Variants in WNT9A observed in about 807,000 individuals in gnomAD.
The protein encoded by WNT9A is protein Wnt-9a.
In WNT9A, 8 loss-of-function variants were observed where a neutral mutation model predicts 31.4. The ratio of observed to expected loss-of-function variants is 0.26; its 90% CI spans 0.15 to 0.46. The LOEUF is 0.46. Ranked by LOEUF, WNT9A falls within the 20% of genes least tolerant of loss-of-function variation. WNT9A has a pLI of 0.99. For missense variants in WNT9A, 457 were observed against 522.9 expected (o/e 0.87, Z 1.23); for synonymous variants, 236 against 220.1 (o/e 1.07, Z -0.64).
chr1:227,921,350 C>T lies in WNT9A; in HGVS notation c.*168G>A. ...CACCCCACGCTGCTAGGTCTGAGCC[C>T]AGGGACTCAGCCCATGCAGGTGTAG... is the stretch of plus-strand genomic sequence containing the variant. On this transcript the variant is annotated 3_prime_UTR_variant, in exon 4 of 4. Coordinates refer to ENST00000272164, the MANE Select transcript of WNT9A (RefSeq NM_003395.4). 8.9e-7 allele frequency: 1 copy of T among 1,129,406 alleles called. No individual in the cohort carries two copies. Among genetic ancestry groups the T allele is most frequent in the Non-Finnish European group, 1.2e-6 (1 of 810,750 alleles). The allele number at this position is 1,129,406 out of a possible 1,614,324, so 70.0% of individuals were successfully genotyped here.
In WNT9A at chr1:227,921,497, G is replaced by C; in HGVS notation, c.*21C>G. ...TGCAATGCCTGCACCCTGTGCAGCAGGGCTGGCAGGGCCTGGGAACTCAGC... is the reference window on the plus strand; with the variant it reads ...TGCAATGCCTGCACCCTGTGCAGCACGGCTGGCAGGGCCTGGGAACTCAGC... On this transcript the variant is annotated 3_prime_UTR_variant, in exon 4 of 4. Transcript: ENST00000272164. The C allele has an allele frequency of 6.3e-7, 1 of 1,595,050 alleles. No homozygotes were observed. Among genetic ancestry groups the C allele is most frequent in the South Asian group, 1.1e-5 (1 of 87,838 alleles).
chr1:227,926,242 T>G lies in WNT9A; in HGVS notation c.96-723A>C, dbSNP rs1215915630. 1.3e-5 allele frequency among the ~76,000 whole-genome samples: 2 copies of G among 152,068 alleles called. No homozygotes were observed. Among genetic ancestry groups the G allele is most frequent in the Non-Finnish European group, 2.9e-5 (2 of 67,990 alleles). Reference sequence around the variant, plus strand: ...AGGCCACCCCTGGGGGCCTCTGAGCTGATGAACACCACCCTCCATCTTTAC... The same window carrying G: ...AGGCCACCCCTGGGGGCCTCTGAGCGGATGAACACCACCCTCCATCTTTAC... On this transcript the variant is annotated intron_variant, in intron 1 of 3. Coordinates refer to ENST00000272164, the MANE Select transcript of WNT9A (RefSeq NM_003395.4). This position sits in a 1 kb window ranked among gnomAD's most constrained non-coding sequence, Gnocchi z 5.0.
At chr1:227,923,426 C>T (rs577803065) in intron 3 of WNT9A, among the ~76,000 whole-genome samples, 188 of 152,286 alleles carry the variant, frequency 1.2e-3, no homozygotes, top group African/African-American at 4.3e-3. Context: ...AGCCCGGACT[C>T]CCCCAGACAT....
In WNT9A at chr1:227,942,545, G is replaced by A. The variant is rs1456481532; in HGVS notation, c.95+5248C>T. ...TGTCCTCTCCTCTCCATGCTAAGAA[G>A]TCCCCAGGGAGTCCCCTGGCCCCCA... On this transcript the variant is annotated intron_variant, in intron 1 of 3. Transcript: ENST00000272164. This position sits in a 1 kb window ranked among gnomAD's most constrained non-coding sequence, Gnocchi z 5.7. Among the ~76,000 whole-genome samples, 1 of 152,070 alleles carries A rather than the reference G, an allele frequency of 6.6e-6. No individual in the cohort carries two copies. Among genetic ancestry groups the A allele is most frequent in the Non-Finnish European group, 1.5e-5 (1 of 67,984 alleles).
intron 2 of WNT9A, 40 bp from the exon 3 acceptor site, chr1:227,924,440 C>A: frequency 6.3e-7 from 1 of 1,586,272 alleles, no homozygotes; most frequent in South Asian, 1.1e-5. Flanking sequence ...CCAGGCTGCC[C>A]AGAGTTCCCC....
chr1:227,924,536 C>T (rs1031274496), intron 2 of WNT9A, 136 bp from the exon 3 acceptor site: 2 of 1,344,912 alleles, frequency 1.5e-6, no homozygotes, highest in Non-Finnish European at 2.0e-6. Context: ...GCACTCGGGA[C>T]AGGGTGTGGG....
chr1:227,922,096 C>A lies in WNT9A; in HGVS notation c.616-96G>T, dbSNP rs975414367. On this transcript the variant is annotated intron_variant, in intron 3 of 3. Transcript: ENST00000272164. The stretch of plus-strand genomic sequence containing the variant: ...CTGGACCCCCAGAGGGACCCCACAC[C>A]CCCACCCAGGCCCAGGCCCTGCCGG... The A allele has an allele frequency of 4.7e-6, 7 of 1,493,314 alleles. No homozygotes were observed. In the African/African-American group the frequency reaches 9.8e-5, roughly 21 times the overall value. 92.5% of individuals were successfully genotyped at this position (1,493,314 alleles called of 1,614,324 possible).
rs1666396996 is a variant in WNT9A at position 227,925,263 on chromosome 1, C to T, written c.352G>A (p.Gly118Ser). Residue 118 changes from glycine to serine, a missense_variant and splice_region_variant, in exon 2 of 4, where the codon GGC (glycine) becomes AGC (serine). Transcript: ENST00000272164. The surrounding 1 kb of genome is among the most constrained non-coding windows in gnomAD (Gnocchi z 6.0). ...TGAGGGCCAGGCCGGCCACACTCAC[C>T]TCGCTTGAGCAGGCTGGCCCGGTAG... is the stretch of plus-strand genomic sequence containing the variant. The part of the protein sequence containing the change: ...GRYRASLLKR[G>S]FKETAFLYAI... 1.3e-6 allele frequency: 2 copies of T among 1,551,764 alleles called. No individual in the cohort carries two copies. Among genetic ancestry groups the T allele is most frequent in the Non-Finnish European group, 1.7e-6 (2 of 1,147,198 alleles).
At chr1:227,932,151 TAG>T (rs893853157) in intron 1 of WNT9A, among the ~76,000 whole-genome samples, 6 of 152,358 alleles carry the variant, frequency 3.9e-5, no homozygotes, top group Middle Eastern at 3.4e-3. Flanking sequence ...CTTTCACAAT[TAG>T]AGTCACTCTT....
chr1:227,925,951 C>T lies in WNT9A; in HGVS notation c.96-432G>A, dbSNP rs1666414959. On this transcript the variant is annotated intron_variant, in intron 1 of 3. Coordinates refer to ENST00000272164, the MANE Select transcript of WNT9A (RefSeq NM_003395.4). The surrounding 1 kb of genome is among the most constrained non-coding windows in gnomAD (Gnocchi z 6.0). The stretch of plus-strand genomic sequence containing the variant: ...CCACATCCTCCACCCTCTTTGGCCC[C>T]AGCTGACCCGCAGGATCCCGCCTGA... 6.6e-6 allele frequency among the ~76,000 whole-genome samples: 1 copy of T among 152,074 alleles called. No homozygotes were observed. The highest frequency in any genetic ancestry group is 2.4e-5 in the African/African-American group (1 of 41,408).
intron 1 of WNT9A, among the ~76,000 whole-genome samples, chr1:227,940,833 G>A (rs754128319): frequency 2.6e-5 from 4 of 152,238 alleles, no homozygotes; most frequent in South Asian, 2.1e-4. Flanking sequence ...GGACCATGCC[G>A]GGAGGGCAAC....
chr1:227,945,087 T>C (rs1209414430), intron 1 of WNT9A, among the ~76,000 whole-genome samples: 1 of 152,164 alleles, frequency 6.6e-6, no homozygotes, highest in Non-Finnish European at 1.5e-5. Flanking sequence ...AATCCGGATC[T>C]ACCATCTCAG....
intron 1 of WNT9A, among the ~76,000 whole-genome samples, chr1:227,944,034 T>C (rs999969419): frequency 6.6e-6 from 1 of 152,076 alleles, no homozygotes; most frequent in Admixed American, 6.6e-5. Context: ...TCCACTTCTA[T>C]GTACCCCAAG....
chr1:227,934,473 A>AAG (rs1666557761), intron 1 of WNT9A, among the ~76,000 whole-genome samples: 2 of 152,218 alleles, frequency 1.3e-5, no homozygotes, highest in African/African-American at 2.4e-5. Context: ...GGATTCCCCT[A>AAG]GACAGGAAAC....
chr1:227,921,521 G>T lies in WNT9A; in HGVS notation c.1095C>A (p.Gly365=). 6.2e-7 allele frequency: 1 copy of T among 1,605,054 alleles called. No individual in the cohort carries two copies. Among genetic ancestry groups the T allele is most frequent in the Non-Finnish European group, 8.5e-7 (1 of 1,174,066 alleles). ...AGGGCTGGCAGGGCCTGGGAACTCA[G>T]CCCTTGCAGGTGTAGACCTCCTCAC... ...TQREEVYTCK[G] Residue 365 remains glycine, a synonymous_variant, in exon 4 of 4, where the codon GGC becomes GGA. Transcript: ENST00000272164.
chr1:227,947,399 A>AG (rs914753468), intron 1 of WNT9A, among the ~76,000 whole-genome samples: 11 of 152,244 alleles, frequency 7.2e-5, no homozygotes, highest in African/African-American at 2.6e-4. Flanking sequence ...GAGAAGAGAA[A>AG]GGGGGGGAAG....
Position 227,920,995 on chromosome 1 carries a change from G to C in WNT9A, c.*523C>G, listed in dbSNP as rs1279901692. 6.5e-6 allele frequency: 1 copy of C among 153,502 alleles called. No homozygotes were observed. Among genetic ancestry groups the C allele is most frequent in the Non-Finnish European group, 1.5e-5 (1 of 68,950 alleles). 9.5% of individuals were successfully genotyped at this position (153,502 alleles called of 1,614,324 possible). ...TCCAGCTGTACGCCCCGACGTGCTA[G>C]AAAAGCCTCTCAGTCCTTGCAGGTG... On this transcript the variant is annotated 3_prime_UTR_variant, in exon 4 of 4. Coordinates refer to ENST00000272164, the MANE Select transcript of WNT9A (RefSeq NM_003395.4).
chr1:227,925,635 C>T lies in WNT9A; in HGVS notation c.96-116G>A. On this transcript the variant is annotated intron_variant, in intron 1 of 3. Coordinates refer to ENST00000272164, the MANE Select transcript of WNT9A (RefSeq NM_003395.4). This position sits in a 1 kb window ranked among gnomAD's most constrained non-coding sequence, Gnocchi z 6.0. Reference sequence around the variant, plus strand: ...GCGTGTCCATCCGGGGGTGAGGGGGCAGAAAGAATCCAGGATGAGCCAGGC... The same window carrying T: ...GCGTGTCCATCCGGGGGTGAGGGGGTAGAAAGAATCCAGGATGAGCCAGGC... 7.2e-7 allele frequency: 1 copy of T among 1,391,250 alleles called. No homozygotes were observed. 86.2% of individuals were successfully genotyped at this position (1,391,250 alleles called of 1,614,324 possible). A position where few individuals can be genotyped will look rare whatever the true frequency, so the allele number is the denominator to read the frequency against.
chr1:227,943,984 A>C (rs1572137094), intron 1 of WNT9A, among the ~76,000 whole-genome samples: 1 of 152,028 alleles, frequency 6.6e-6, no homozygotes, highest in Non-Finnish European at 1.5e-5. Context: ...CTGTCTCAAT[A>C]AAACAAAACA....
Sources: allele counts gnomAD v4.1 joint callset (sites outside exome capture counted in the v4.1 genomes callset), GRCh38; gene constraint gnomAD v4.1.1; non-coding constraint Gnocchi (gnomAD v3.1); transcripts MANE v1.5; gene names NCBI Gene and HGNC (gene_info 2026-07-23, HGNC 2026-07-21).